Variants in ME1 observed in about 807,000 individuals in gnomAD.
The protein encoded by ME1 is malic enzyme 1.
Under a neutral mutation model 66.4 loss-of-function variants are expected in ME1, and 74 were observed. The ratio of observed to expected loss-of-function variants is 1.11; its 90% CI spans 0.92 to 1.35. ME1 has a LOEUF of 1.35. Ranked by LOEUF, ME1 falls within the 40% of genes most tolerant of loss-of-function variation. The pLI, the probability that ME1 is intolerant of heterozygous loss-of-function variation, is 0.00. For missense variants in ME1, 750 were observed against 694.1 expected (o/e 1.08, Z -0.90); for synonymous variants, 251 against 235.6 (o/e 1.07, Z -0.60).
At chr6:83,214,805 T>G (rs1003247754) in intron 13 of ME1, among the ~76,000 whole-genome samples, 11 of 152,138 alleles carry the variant, frequency 7.2e-5, no homozygotes, top group African/African-American at 2.7e-4. Flanking sequence ...TACCTCAAAC[T>G]TGCAGTCCAC....
chr6:83,317,882 C>T (rs1399820778), intron 5 of ME1, among the ~76,000 whole-genome samples: 1 of 152,096 alleles, frequency 6.6e-6, no homozygotes, highest in Admixed American at 6.6e-5. Flanking sequence ...GGAGGCATCA[C>T]ACTACCTGAC....
At chr6:83,405,597 G>C (rs1769923779) in intron 2 of ME1, among the ~76,000 whole-genome samples, 1 of 152,022 alleles carries the variant, frequency 6.6e-6, no homozygotes, top group Non-Finnish European at 1.5e-5. Flanking sequence ...TTCAAAGGGA[G>C]TGCTTCCAGC....
chr6:83,420,816 A>G (rs1241676268), intron 1 of ME1, among the ~76,000 whole-genome samples: 1 of 152,238 alleles, frequency 6.6e-6, no homozygotes, highest in East Asian at 1.9e-4. Context: ...AGATAAATCT[A>G]TGATGCAAAA....
intron 6 of ME1, among the ~76,000 whole-genome samples, chr6:83,308,025 G>T (rs1583370999): frequency 6.6e-6 from 1 of 152,140 alleles, no homozygotes; most frequent in Middle Eastern, 3.4e-3. Flanking sequence ...CAAGACTTTT[G>T]TTCAACACTA....
intron 6 of ME1, among the ~76,000 whole-genome samples, chr6:83,271,033 A>G (rs917447507): frequency 5.3e-5 from 8 of 152,026 alleles, no homozygotes; most frequent in Middle Eastern, 3.2e-3. Flanking sequence ...AAAAAAAAAA[A>G]AAAAATCTAA....
intron 5 of ME1, among the ~76,000 whole-genome samples, chr6:83,342,850 C>A (rs1768614909): frequency 6.6e-6 from 1 of 152,082 alleles, no homozygotes; most frequent in Non-Finnish European, 1.5e-5. Flanking sequence ...CCATGCCCAA[C>A]TAATTTTGTA....
chr6:83,410,052 C>A (rs1770021080), intron 1 of ME1, among the ~76,000 whole-genome samples: 1 of 151,162 alleles, frequency 6.6e-6, no homozygotes, highest in Admixed American at 6.7e-5. Flanking sequence ...CGTGGTATCG[C>A]CTGAAGTCTT....
At chr6:83,257,568 G>T (rs1209326153) in intron 6 of ME1, among the ~76,000 whole-genome samples, 2 of 152,076 alleles carry the variant, frequency 1.3e-5, no homozygotes, top group Non-Finnish European at 2.9e-5. Flanking sequence ...ATTCTGAAGG[G>T]AACGTAAACT....
intron 6 of ME1, among the ~76,000 whole-genome samples, chr6:83,255,880 C>A (rs902757444): frequency 6.6e-6 from 1 of 152,082 alleles, no homozygotes; most frequent in Non-Finnish European, 1.5e-5. Context: ...AGGAAACAGG[C>A]ACACAGGTAT....
chr6:83,323,624 A>T (rs2128540800), intron 5 of ME1, among the ~76,000 whole-genome samples: 1 of 152,328 alleles, frequency 6.6e-6, no homozygotes, highest in African/African-American at 2.4e-5. Flanking sequence ...GATCAATTCA[A>T]CAAGAAGAAC....
chr6:83,359,201 G>A (rs547546946), intron 3 of ME1, among the ~76,000 whole-genome samples: 160 of 151,998 alleles, frequency 1.1e-3, no homozygotes, highest in African/African-American at 3.7e-3. Flanking sequence ...CAGACGATGC[G>A]GGAGCTGGGC....
At chr6:83,216,343 C>T (rs1789993178) in intron 13 of ME1, among the ~76,000 whole-genome samples, 155 bp downstream of exon 13, 1 of 152,176 alleles carries the variant, frequency 6.6e-6, no homozygotes, top group Non-Finnish European at 1.5e-5. Context: ...AGCTCCTAAG[C>T]TCTACAGTGT....
intron 6 of ME1, among the ~76,000 whole-genome samples, chr6:83,277,389 T>G (rs1214055681): frequency 6.6e-6 from 1 of 152,174 alleles, no homozygotes; most frequent in African/African-American, 2.4e-5. Flanking sequence ...AACTAACCAG[T>G]AACTCTACAT....
chr6:83,368,772 C>A (rs895367761), intron 3 of ME1, among the ~76,000 whole-genome samples: 34 of 151,980 alleles, frequency 2.2e-4, no homozygotes, highest in African/African-American at 8.2e-4. Context: ...GGCTATGAAT[C>A]CTTAGAACAG....
At chr6:83,323,390 T>C (rs1768219152) in intron 5 of ME1, among the ~76,000 whole-genome samples, 2 of 152,050 alleles carry the variant, frequency 1.3e-5, no homozygotes, top group African/African-American at 4.8e-5. Flanking sequence ...CCCATCAGTG[T>C]GCTGTATTCA....
At chr6:83,300,371 C>G (rs573913224) in intron 6 of ME1, among the ~76,000 whole-genome samples, 2 of 152,088 alleles carry the variant, frequency 1.3e-5, no homozygotes, top group African/African-American at 2.4e-5. Flanking sequence ...ACAACAAAAG[C>G]AAAAATTTAT....
At chr6:83,225,771 T>C (rs1242063390) in intron 11 of ME1, among the ~76,000 whole-genome samples, 1 of 149,266 alleles carries the variant, frequency 6.7e-6, no homozygotes, top group Non-Finnish European at 1.5e-5. Context: ...TATATAAAGG[T>C]TTTGGAAAAT....
intron 3 of ME1, among the ~76,000 whole-genome samples, chr6:83,362,051 C>T (rs1247904983): frequency 6.6e-6 from 1 of 152,190 alleles, no homozygotes; most frequent in Non-Finnish European, 1.5e-5. Context: ...GCAGATAACA[C>T]CCGAAAGTGG....
chr6:83,360,650 C>T (rs765838473), intron 3 of ME1, among the ~76,000 whole-genome samples: 4 of 152,166 alleles, frequency 2.6e-5, no homozygotes, highest in Non-Finnish European at 5.9e-5. Context: ...AAAACTATAT[C>T]GCATCCCTGG....
Sources: allele counts gnomAD v4.1 joint callset (sites outside exome capture counted in the v4.1 genomes callset), GRCh38; gene constraint gnomAD v4.1.1; transcripts MANE v1.5; gene names NCBI Gene and HGNC (gene_info 2026-07-23, HGNC 2026-07-21).